Variants in CAMKMT observed in about 807,000 individuals in gnomAD.
CAMKMT encodes the protein calmodulin-lysine N-methyltransferase.
CAMKMT carries 53 observed loss-of-function variants against 48.0 expected under a neutral mutation model. The observed-to-expected ratio is 1.10, with a 90% confidence interval of 0.89 to 1.39. CAMKMT has a LOEUF of 1.39. Ranked by LOEUF, CAMKMT falls within the 40% of genes most tolerant of loss-of-function variation. The probability of loss-of-function intolerance (pLI) is 0.00; values close to 1 mark genes in which losing one functional copy is unlikely to be tolerated. For missense variants in CAMKMT, 428 were observed against 402.7 expected, an observed-to-expected ratio of 1.06 and a Z score of -0.54; for synonymous variants, 165 against 152.3, an observed-to-expected ratio of 1.08 and a Z score of -0.61.
intron 3 of CAMKMT, among the ~76,000 whole-genome samples, chr2:44,590,693 T>A (rs570954440): frequency 6.6e-6 from 1 of 152,302 alleles, no homozygotes; most frequent in East Asian, 1.9e-4. Flanking sequence ...TTTTCTCCCA[T>A]TTTATGGGTT....
At chr2:44,377,095 C>T (rs1679775800) in intron 2 of CAMKMT, among the ~76,000 whole-genome samples, 1 of 152,144 alleles carries the variant, frequency 6.6e-6, no homozygotes, top group Non-Finnish European at 1.5e-5. Flanking sequence ...AAGCCTTGAC[C>T]TCCCAGGCTT....
chr2:44,595,915 G>T (rs765112945), intron 3 of CAMKMT, among the ~76,000 whole-genome samples: 1 of 150,584 alleles, frequency 6.6e-6, no homozygotes, highest in African/African-American at 2.4e-5. Context: ...GTTCTCACTC[G>T]TAAGTGGGAG....
chr2:44,488,877 G>GTGTGTGTT (rs373830779), intron 3 of CAMKMT, among the ~76,000 whole-genome samples: 4 of 149,980 alleles, frequency 2.7e-5, no homozygotes, highest in Admixed American at 1.3e-4. Flanking sequence ...GTGTGTGTGT[G>GTGTGTGTT]TTTTAAGAAA....
At chr2:44,704,698 A>G (rs1394285327) in intron 4 of CAMKMT, among the ~76,000 whole-genome samples, 2 of 151,714 alleles carry the variant, frequency 1.3e-5, no homozygotes, top group Non-Finnish European at 2.9e-5. Flanking sequence ...AAAAAAAAAA[A>G]AACCAATAAA....
chr2:44,515,212 A>G (rs888371143), intron 3 of CAMKMT, among the ~76,000 whole-genome samples: 73 of 152,228 alleles, frequency 4.8e-4, no homozygotes, highest in Non-Finnish European at 7.4e-4. Flanking sequence ...TCCATAAGGG[A>G]GGGTTTGATA....
chr2:44,481,124 A>G (rs1287768080), intron 3 of CAMKMT, among the ~76,000 whole-genome samples: 1 of 152,108 alleles, frequency 6.6e-6, no homozygotes, highest in Non-Finnish European at 1.5e-5. Context: ...TGGATGTGAA[A>G]GGAAACAGAA....
intron 3 of CAMKMT, among the ~76,000 whole-genome samples, chr2:44,700,277 A>T (rs1035583627): frequency 1.3e-5 from 2 of 152,204 alleles, no homozygotes; most frequent in Admixed American, 6.5e-5. Flanking sequence ...AACTTTCTCC[A>T]TATCAGCAAT....
At chr2:44,702,780 C>G (rs1392838890) in intron 3 of CAMKMT, among the ~76,000 whole-genome samples, 1 of 152,186 alleles carries the variant, frequency 6.6e-6, no homozygotes, top group Non-Finnish European at 1.5e-5. Flanking sequence ...GTGTGTACAC[C>G]TGACTGGGCT....
At chr2:44,364,942 T>C (rs893153482) in intron 1 of CAMKMT, among the ~76,000 whole-genome samples, 11 of 152,200 alleles carry the variant, frequency 7.2e-5, no homozygotes, top group African/African-American at 2.7e-4. Flanking sequence ...AAGTAAGATA[T>C]TTGGCAAAGG....
At chr2:44,375,636 C>T (rs1679612237) in intron 2 of CAMKMT, among the ~76,000 whole-genome samples, 1 of 151,796 alleles carries the variant, frequency 6.6e-6, no homozygotes, top group Non-Finnish European at 1.5e-5. Context: ...AAGGGGATGC[C>T]CAGATGATGG....
At chr2:44,730,105 CAGAT>C (rs887112585) in intron 7 of CAMKMT, among the ~76,000 whole-genome samples, 4 of 152,156 alleles carry the variant, frequency 2.6e-5, no homozygotes, top group East Asian at 1.9e-4. Flanking sequence ...AAGATGGTAT[CAGAT>C]AGATAGCCTC....
chr2:44,569,617 C>T (rs547029355), intron 3 of CAMKMT, among the ~76,000 whole-genome samples: 2 of 152,244 alleles, frequency 1.3e-5, no homozygotes, highest in African/African-American at 4.8e-5. Flanking sequence ...TCCTGTCTTT[C>T]TCTCTTTGTG....
intron 3 of CAMKMT, among the ~76,000 whole-genome samples, chr2:44,679,080 C>G (rs1675875576): frequency 6.6e-6 from 1 of 152,064 alleles, no homozygotes; most frequent in African/African-American, 2.4e-5. Flanking sequence ...TTTGAATAAA[C>G]CATCCTGGTT....
At chr2:44,556,497 C>T (rs1185821087) in intron 3 of CAMKMT, among the ~76,000 whole-genome samples, 1 of 46,242 alleles carries the variant, frequency 2.2e-5, no homozygotes, top group African/African-American at 9.2e-5. Context: ...GAGTCTCGCT[C>T]TGTCGCCCAG....
At chr2:44,430,036 G>T (rs1286854310) in intron 3 of CAMKMT, among the ~76,000 whole-genome samples, 1 of 151,786 alleles carries the variant, frequency 6.6e-6, no homozygotes, top group Non-Finnish European at 1.5e-5. Flanking sequence ...AGAGAATTTT[G>T]GGGGGAAATT....
chr2:44,454,434 A>G (rs529957992), intron 3 of CAMKMT, among the ~76,000 whole-genome samples: 1 of 152,242 alleles, frequency 6.6e-6, no homozygotes, highest in South Asian at 2.1e-4. Context: ...CTAAATATAT[A>G]GCAGTGGTGA....
At chr2:44,514,953 G>A (rs1469816167) in intron 3 of CAMKMT, among the ~76,000 whole-genome samples, 3 of 152,166 alleles carry the variant, frequency 2.0e-5, no homozygotes, top group Non-Finnish European at 2.9e-5. Flanking sequence ...GTATATTTAC[G>A]AGAAAGGGAA....
At chr2:44,452,730 C>G (rs1160865134) in intron 3 of CAMKMT, among the ~76,000 whole-genome samples, 1 of 151,880 alleles carries the variant, frequency 6.6e-6, no homozygotes, top group Non-Finnish European at 1.5e-5. Context: ...TGCAAGTAGC[C>G]TCTCTTTATT....
chr2:44,490,760 T>G (rs1440393142), intron 3 of CAMKMT, among the ~76,000 whole-genome samples: 1 of 152,140 alleles, frequency 6.6e-6, no homozygotes, highest in African/African-American at 2.4e-5. Flanking sequence ...AGATCTAAAT[T>G]CAGCTTTACT....
Sources: gnomAD v4.1 joint callset for allele counts (sites outside exome capture counted in the v4.1 genomes callset) on GRCh38, gnomAD v4.1.1 for gene constraint, MANE v1.5 for transcripts, NCBI Gene and HGNC (gene_info 2026-07-23, HGNC 2026-07-21) for gene names.